The following PSD3 variants were observed in gnomAD, a reference collection of about 807,000 sequenced individuals.
PSD3 encodes PH and SEC7 domain-containing protein 3.
PSD3 carries 49 observed loss-of-function variants against 105.5 expected under a neutral mutation model. The ratio of observed to expected loss-of-function variants is 0.46; its 90% confidence interval spans 0.37 to 0.59. The LOEUF is 0.59. PSD3 is among the 20% of genes least tolerant of loss of function. The pLI, the probability that PSD3 is intolerant of heterozygous loss-of-function variation, is 0.00. For synonymous variants in PSD3, 557 were observed against 457.8 expected, an observed-to-expected ratio of 1.22 and a Z score of -2.77; for missense variants, 1,561 against 1,263.8, an observed-to-expected ratio of 1.24 and a Z score of -3.57.
At chr8:18,819,778 C>T (rs760800597) in intron 4 of PSD3, among the ~76,000 whole-genome samples, 2 of 151,956 alleles carry the variant, frequency 1.3e-5, no homozygotes, top group African/African-American at 2.4e-5. Flanking sequence ...GGGGTTTCAC[C>T]GTGTTGGCCA....
intron 4 of PSD3, among the ~76,000 whole-genome samples, chr8:18,819,269 C>G (rs1235779928): frequency 6.6e-6 from 1 of 152,032 alleles, no homozygotes; most frequent in Admixed American, 6.6e-5. Flanking sequence ...TTCAAGGAAA[C>G]TAAAAAAGAC....
At chr8:18,537,896 C>G (rs910100186) in intron 15 of PSD3, among the ~76,000 whole-genome samples, 1 of 152,172 alleles carries the variant, frequency 6.6e-6, no homozygotes, top group Admixed American at 6.5e-5. Flanking sequence ...AGGCTGGCCT[C>G]GAACTCCTGA....
upstream of PSD3, among the ~76,000 whole-genome samples, chr8:19,018,203 G>A (rs79513952): frequency 0.092 from 14,030 of 152,088 alleles, 708 homozygotes; most frequent in African/African-American, 0.12. Flanking sequence ...TGACAATTTA[G>A]GAAAATCCCA....
intron 1 of PSD3, among the ~76,000 whole-genome samples, chr8:18,959,603 T>G (rs1823788989): frequency 6.6e-6 from 1 of 152,222 alleles, no homozygotes; most frequent in African/African-American, 2.4e-5. Flanking sequence ...TCCACCCACC[T>G]TGCCTTTCTG....
intron 1 of PSD3, among the ~76,000 whole-genome samples, chr8:18,968,430 T>C (rs1384016388): frequency 6.6e-6 from 1 of 152,240 alleles, no homozygotes; most frequent in Admixed American, 6.5e-5. Context: ...TTTCAAGGAA[T>C]CCTGAGCAAA....
chr8:18,828,051 A>AATATATATAATATATATATG (rs1813357133), intron 4 of PSD3, among the ~76,000 whole-genome samples: 1 of 112,524 alleles, frequency 8.9e-6, no homozygotes, highest in African/African-American at 3.7e-5. Context: ...ATATATGTAT[A>AATATATATAATATATATATG]TATATATATA....
chr8:18,882,844 T>C (rs562557680), intron 2 of PSD3, among the ~76,000 whole-genome samples: 10 of 151,532 alleles, frequency 6.6e-5, no homozygotes, highest in Non-Finnish European at 1.5e-4. Flanking sequence ...TGTAGATATA[T>C]ATACACACAC....
At chr8:18,686,259 T>A (rs923218064) in intron 9 of PSD3, among the ~76,000 whole-genome samples, 4 of 152,186 alleles carry the variant, frequency 2.6e-5, no homozygotes, top group African/African-American at 9.7e-5. Flanking sequence ...GTTTTCACTC[T>A]CAACATGACA....
At chr8:18,567,859 T>C (rs1245732875) in intron 14 of PSD3, among the ~76,000 whole-genome samples, 2 of 152,234 alleles carry the variant, frequency 1.3e-5, no homozygotes, top group Admixed American at 6.5e-5. Flanking sequence ...CATGTTGTAA[T>C]GTGATCCCCA....
Position 18,872,718 on chromosome 8 carries a change from C to T in PSD3, c.146G>A (p.Ser49Asn). 6.4e-7 allele frequency: 1 copy of T among 1,562,776 alleles called. No individual in the cohort carries two copies. Among genetic ancestry groups the T allele is most frequent in the South Asian group, 1.2e-5 (1 of 81,080 alleles). ...KAPDTSDHGG[S>N]TLLPPNVTNE... ...TGTGACATTTGGTGGGAGTAAAGTG[C>T]TTCCTCCATGATCACCTGTGAAGAG... Residue 49 changes from serine (S) to asparagine (N), a missense_variant, in exon 3 of 16, where the codon AGC becomes AAC. Coordinates refer to ENST00000327040, the MANE Select transcript of PSD3 (RefSeq NM_015310.4).
intron 2 of PSD3, among the ~76,000 whole-genome samples, chr8:18,891,619 ACC>A (rs148946808): frequency 0.027 from 4,122 of 152,148 alleles, 213 homozygotes; most frequent in African/African-American, 0.093. Flanking sequence ...CAACACCTGC[ACC>A]TCCGAGAGCA....
At chr8:18,636,452 T>A (rs13275047) in intron 10 of PSD3, among the ~76,000 whole-genome samples, 53,119 of 152,058 alleles carry the variant, frequency 0.35, 9,624 homozygotes, top group Middle Eastern at 0.47. Flanking sequence ...AGTATGCTGA[T>A]GTTAATTTAT....
At chr8:18,904,676 T>C (rs1819727119) in intron 2 of PSD3, among the ~76,000 whole-genome samples, 1 of 152,268 alleles carries the variant, frequency 6.6e-6, no homozygotes, top group Admixed American at 6.5e-5. Context: ...ATGTTACAGC[T>C]GTAATTGTTT....
intron 1 of PSD3, among the ~76,000 whole-genome samples, chr8:19,071,838 T>C (rs113702882): frequency 0.28 from 42,430 of 151,654 alleles, 6,227 homozygotes; most frequent in South Asian, 0.37. Context: ...CCCTCCCGAG[T>C]ATCTGGGATT....
At chr8:18,880,408 G>C (rs1818033314) in intron 2 of PSD3, among the ~76,000 whole-genome samples, 2 of 152,146 alleles carry the variant, frequency 1.3e-5, no homozygotes, top group African/African-American at 4.8e-5. Context: ...ATGTTAGAAA[G>C]CTCGCCTTGG....
intron 4 of PSD3, among the ~76,000 whole-genome samples, chr8:18,850,613 G>T (rs968676394): frequency 6.6e-6 from 1 of 152,102 alleles, no homozygotes; most frequent in Non-Finnish European, 1.5e-5. Flanking sequence ...TTATTTAAAA[G>T]GAGGCAAAAA....
chr8:18,625,029 C>A (rs1806378012), intron 11 of PSD3, among the ~76,000 whole-genome samples: 1 of 152,024 alleles, frequency 6.6e-6, no homozygotes, highest in East Asian at 1.9e-4. Context: ...AGCCACTGTA[C>A]CCAGCTGCTT....
chr8:19,034,188 G>C (rs1233672379), intron 1 of PSD3, among the ~76,000 whole-genome samples: 1 of 152,078 alleles, frequency 6.6e-6, no homozygotes, highest in Non-Finnish European at 1.5e-5. Flanking sequence ...GGCTAGTTCA[G>C]GATAAAAGTC....
chr8:18,938,339 G>A (rs1029381397), intron 1 of PSD3, among the ~76,000 whole-genome samples: 3 of 152,034 alleles, frequency 2.0e-5, no homozygotes, highest in African/African-American at 7.2e-5. Context: ...TGAGGGAAAG[G>A]GGCCAGGCAC....
Sources: allele counts gnomAD v4.1 joint callset (sites outside exome capture counted in the v4.1 genomes callset), GRCh38; gene constraint gnomAD v4.1.1; transcripts MANE v1.5; gene names NCBI Gene and HGNC (gene_info 2026-07-23, HGNC 2026-07-21).